Variants in RTKN2 observed in about 807,000 individuals in gnomAD.
RTKN2 encodes the protein rhotekin 2.
A neutral mutation model predicts 71.5 loss-of-function variants in RTKN2; 69 were observed. The ratio of observed to expected loss-of-function variants is 0.96; its 90% CI spans 0.79 to 1.18. RTKN2 has a LOEUF of 1.18. RTKN2 is among the 50% of genes most tolerant of loss of function. The pLI, the probability that RTKN2 is intolerant of heterozygous loss-of-function variation, is 0.00. For missense variants in RTKN2, 724 were observed against 719.7 expected (o/e 1.01, Z -0.07); for synonymous variants, 236 against 236.5 (o/e 1.00, Z 0.02).
chr10:62,250,248 G>T (rs932810725), intron 2 of RTKN2, among the ~76,000 whole-genome samples: 4 of 152,224 alleles, frequency 2.6e-5, no homozygotes, highest in Non-Finnish European at 4.4e-5. Context: ...AGAGGTAAAA[G>T]AAAGGGCTCC....
chr10:62,246,187 T>C (rs1031460114), intron 2 of RTKN2, 130 bp from the exon 3 acceptor site: 3 of 600,558 alleles, frequency 5.0e-6, no homozygotes, highest in Non-Finnish European at 5.8e-6. Context: ...CCAGTTAATG[T>C]AAACTATTTG....
intron 7 of RTKN2, 42 bp from the exon 8 acceptor site, chr10:62,218,343 ATAAGTT>A: frequency 7.6e-7 from 1 of 1,309,740 alleles, no homozygotes; most frequent in Non-Finnish European, 1.1e-6. Context: ...AGTTATAAAT[ATAAGTT>A]TATTTAAGGT....
At chr10:62,192,036 T>C (rs1427661513), downstream of RTKN2, among the ~76,000 whole-genome samples, 1 of 146,390 alleles carries the variant, frequency 6.8e-6, no homozygotes, top group East Asian at 1.9e-4. Flanking sequence ...TAAACACAAC[T>C]ATATTATAAG....
Position 62,194,944 on chromosome 10 carries a change from G to C in RTKN2, c.*2964C>G. On this transcript the variant is annotated 3_prime_UTR_variant, in exon 12 of 12. Coordinates refer to ENST00000373789, the MANE Select transcript of RTKN2 (RefSeq NM_145307.4). The stretch of plus-strand genomic sequence containing the variant: ...GGGGGCACTGCAGACAGTTAAGGAG[G>C]ATTTAACAAAACTCAGCAAGAGTTG... 1.0e-6 allele frequency: 1 copy of C among 985,340 alleles called. No homozygotes were observed. The highest frequency in any genetic ancestry group is 1.7e-5 in the African/African-American group (1 of 57,334). 61.0% of individuals were successfully genotyped at this position (985,340 alleles called of 1,614,324 possible).
At position 62,217,201 on chromosome 10, in the gene RTKN2, G is replaced by A. The variant is rs535516668; in HGVS notation, c.937C>T (p.Arg313Ter). The change falls in exon 9 of 12, where the codon CGA becomes TGA. Residue 313 changes from arginine (R) to a stop codon, truncating the protein, a stop_gained. Coordinates refer to ENST00000373789, the MANE Select transcript of RTKN2 (RefSeq NM_145307.4). LOFTEE classifies it high-confidence loss of function. ...TAAAAACAATAGAGTTTACCTCCTC[G>A]CAAAACACAATACAACCTTCTCCAA... Reference protein sequence around the residue: ...ISWRRLYCVLRGGKLYCFYSP... With the variant: ...ISWRRLYCVL The A allele has an allele frequency of 1.3e-5, 21 of 1,592,732 alleles. No homozygotes were observed. The South Asian group carries it at 1.5e-4, about 11-fold the overall frequency.
At chr10:62,191,457 G>A (rs937993594), downstream of RTKN2, among the ~76,000 whole-genome samples, 5 of 152,110 alleles carry the variant, frequency 3.3e-5, no homozygotes, top group East Asian at 5.8e-4. Flanking sequence ...AACTCAATCC[G>A]TCACAGATCT....
intron 6 of RTKN2, among the ~76,000 whole-genome samples, chr10:62,232,227 TA>T (rs1211580670): frequency 6.6e-6 from 1 of 151,978 alleles, no homozygotes; most frequent in Non-Finnish European, 1.5e-5. Context: ...GGCTGTCTAT[TA>T]AAAAGAACTT....
intron 5 of RTKN2, chr10:62,238,887 T>C (rs1457851900): frequency 6.6e-6 from 1 of 152,042 alleles, no homozygotes; most frequent in Non-Finnish European, 1.5e-5. Flanking sequence ...TAATAGTTAG[T>C]AGCTATTAAC....
intron 2 of RTKN2, among the ~76,000 whole-genome samples, chr10:62,262,207 T>C (rs1842786648): frequency 6.6e-6 from 1 of 152,218 alleles, no homozygotes; most frequent in Non-Finnish European, 1.5e-5. Flanking sequence ...TTCCTTTCCA[T>C]TCATAAGGTT....
chr10:62,198,563 G>A (rs887813935), intron 11 of RTKN2, 120 bp from the exon 12 acceptor site: 2 of 725,428 alleles, frequency 2.8e-6, no homozygotes, highest in Non-Finnish European at 4.1e-6. Flanking sequence ...ACTATGATAA[G>A]GAAAACGTTC....
chr10:62,242,226 C>T (rs1842390961), intron 3 of RTKN2, among the ~76,000 whole-genome samples: 1 of 151,854 alleles, frequency 6.6e-6, no homozygotes, highest in Admixed American at 6.6e-5. Flanking sequence ...TTGAAAACAC[C>T]TTACTCTTAC....
intron 1 of RTKN2, among the ~76,000 whole-genome samples, chr10:62,267,678 G>C (rs756287083): frequency 1.3e-5 from 2 of 152,130 alleles, no homozygotes; most frequent in Non-Finnish European, 2.9e-5. Flanking sequence ...AAGATATCAG[G>C]TGCCTCCATA....
At chr10:62,227,302 C>G (rs138210608) in intron 6 of RTKN2, among the ~76,000 whole-genome samples, 6 of 152,108 alleles carry the variant, frequency 3.9e-5, no homozygotes, top group Non-Finnish European at 7.4e-5. Context: ...GGATTAAGGT[C>G]AGGGGAGAGT....
intron 1 of RTKN2, among the ~76,000 whole-genome samples, chr10:62,266,475 G>C (rs1448216588): frequency 6.6e-6 from 1 of 152,150 alleles, no homozygotes; most frequent in Non-Finnish European, 1.5e-5. Flanking sequence ...AAACTGTGTG[G>C]ATTTTAAGAA....
chr10:62,232,691 C>T (rs1196128867), intron 6 of RTKN2, among the ~76,000 whole-genome samples: 1 of 151,466 alleles, frequency 6.6e-6, no homozygotes, highest in Non-Finnish European at 1.5e-5. Flanking sequence ...TTTTATAATC[C>T]TATGTCAAGT....
intron 5 of RTKN2, chr10:62,238,946 C>G (rs1269132581): frequency 6.6e-6 from 1 of 151,922 alleles, no homozygotes; most frequent in African/African-American, 2.4e-5. Flanking sequence ...ACAAATCCCA[C>G]ACTGATTTAG....
intron 4 of RTKN2, among the ~76,000 whole-genome samples, chr10:62,240,453 TGTAAA>T (rs1297856682): frequency 1.2e-4 from 18 of 152,184 alleles, no homozygotes; most frequent in East Asian, 3.8e-4. Flanking sequence ...TGTATTCCTT[TGTAAA>T]GTAAATTATA....
At chr10:62,219,397 A>T (rs72835181) in intron 7 of RTKN2, among the ~76,000 whole-genome samples, 13,285 of 152,246 alleles carry the variant, frequency 0.087, 774 homozygotes, top group South Asian at 0.25. Context: ...ACAATTAAAA[A>T]GCATGATAAT....
At chr10:62,265,306 G>A (rs961363997) in intron 1 of RTKN2, among the ~76,000 whole-genome samples, 12 of 152,126 alleles carry the variant, frequency 7.9e-5, no homozygotes, top group South Asian at 2.1e-4. Flanking sequence ...TATTGTCTAT[G>A]GCTCCTTTAA....
Sources: gnomAD v4.1 joint callset for allele counts (sites outside exome capture counted in the v4.1 genomes callset) on GRCh38, gnomAD v4.1.1 for gene constraint, MANE v1.5 for transcripts, NCBI Gene and HGNC (gene_info 2026-07-23, HGNC 2026-07-21) for gene names.